Variants in THSD7B observed in about 807,000 individuals in gnomAD.
The protein encoded by THSD7B is thrombospondin type-1 domain-containing protein 7B.
In THSD7B, 138 loss-of-function variants were observed where a neutral mutation model predicts 213.6. The observed-to-expected ratio is 0.65, with a 90% CI of 0.56 to 0.74. THSD7B has a LOEUF of 0.74. Among genes scored for constraint, THSD7B ranks in the 30% least tolerant of loss-of-function variants. The probability of loss-of-function intolerance (pLI) is 0.00; values close to 1 mark genes in which losing one functional copy is unlikely to be tolerated. For synonymous variants in THSD7B, 742 were observed against 687.0 expected (o/e 1.08, Z -1.25); for missense variants, 1,931 against 1,991.5 (o/e 0.97, Z 0.58).
intron 5 of THSD7B, among the ~76,000 whole-genome samples, chr2:137,125,338 C>G (rs1688613630): frequency 6.6e-6 from 1 of 152,206 alleles, no homozygotes; most frequent in African/African-American, 2.4e-5. Context: ...ATGTGATATT[C>G]TAAATGCTTT....
chr2:137,008,412 A>G (rs143478741), intron 2 of THSD7B, among the ~76,000 whole-genome samples: 11 of 152,288 alleles, frequency 7.2e-5, no homozygotes, highest in African/African-American at 2.6e-4. Flanking sequence ...ATTCAACCCT[A>G]AGGGTGCATT....
chr2:136,966,504 G>A (rs545054632), intron 2 of THSD7B, among the ~76,000 whole-genome samples: 6 of 152,206 alleles, frequency 3.9e-5, no homozygotes, highest in South Asian at 2.1e-4. Context: ...GGCATGAGCC[G>A]CTGTGTCCAG....
chr2:137,101,248 G>T (rs1170938284), intron 4 of THSD7B, among the ~76,000 whole-genome samples: 1 of 151,968 alleles, frequency 6.6e-6, no homozygotes, highest in African/African-American at 2.4e-5. Flanking sequence ...ATGTTGTCCA[G>T]GCAGGCTAGT....
At chr2:136,940,686 C>G (rs112000092) in intron 2 of THSD7B, among the ~76,000 whole-genome samples, 12 of 143,200 alleles carry the variant, frequency 8.4e-5, no homozygotes, top group African/African-American at 1.8e-4. Context: ...GCCACCGTGT[C>G]TGGCTGAGAC....
chr2:137,033,957 A>G (rs1686724309), intron 2 of THSD7B, among the ~76,000 whole-genome samples: 1 of 149,864 alleles, frequency 6.7e-6, no homozygotes, highest in Admixed American at 6.7e-5. Context: ...CTACCCCACA[A>G]CAGGCCCCAG....
intron 10 of THSD7B, among the ~76,000 whole-genome samples, chr2:137,259,875 C>T (rs1682400522): frequency 6.6e-6 from 1 of 151,962 alleles, no homozygotes; most frequent in Non-Finnish European, 1.5e-5. Flanking sequence ...ACTCAGAGCA[C>T]CTATAAATAG....
intron 2 of THSD7B, among the ~76,000 whole-genome samples, chr2:136,989,606 C>T (rs143124304): frequency 5.5e-4 from 84 of 152,280 alleles, no homozygotes; most frequent in Middle Eastern, 3.4e-3. Flanking sequence ...TACCCAGCCT[C>T]AGGTATTCCT....
chr2:137,315,497 C>A (rs372079056), intron 12 of THSD7B, among the ~76,000 whole-genome samples: 2 of 152,066 alleles, frequency 1.3e-5, no homozygotes, highest in Admixed American at 6.6e-5. Context: ...AGCTGTAGAC[C>A]GGAGCTGTTC....
At chr2:137,373,354 C>T (rs961819685) in intron 12 of THSD7B, among the ~76,000 whole-genome samples, 1 of 152,184 alleles carries the variant, frequency 6.6e-6, no homozygotes. Context: ...TCCTCTCCAG[C>T]ACCTGTTGTT....
chr2:137,624,233 T>C (rs532730080), intron 20 of THSD7B, among the ~76,000 whole-genome samples: 1 of 152,308 alleles, frequency 6.6e-6, no homozygotes, highest in African/African-American at 2.4e-5. Flanking sequence ...GGGAAAAGGA[T>C]TCCCTATTTA....
chr2:137,587,547 T>G (rs1681763434), intron 17 of THSD7B, among the ~76,000 whole-genome samples: 1 of 152,244 alleles, frequency 6.6e-6, no homozygotes, highest in Admixed American at 6.5e-5. Context: ...TTAGTTTTCC[T>G]TCTAACATTC....
At chr2:137,107,572 C>G (rs572169096) in intron 4 of THSD7B, among the ~76,000 whole-genome samples, 1 of 152,122 alleles carries the variant, frequency 6.6e-6, no homozygotes, top group Non-Finnish European at 1.5e-5. Context: ...GACCTGGATT[C>G]TCCAGGTACT....
intron 3 of THSD7B, among the ~76,000 whole-genome samples, chr2:137,074,245 C>G (rs1475771647): frequency 2.6e-5 from 4 of 152,162 alleles, no homozygotes; most frequent in African/African-American, 9.6e-5. Flanking sequence ...TCACTAAGGA[C>G]TTGCTTTATG....
At chr2:137,437,042 C>T (rs538786074) in intron 14 of THSD7B, among the ~76,000 whole-genome samples, 10 of 152,202 alleles carry the variant, frequency 6.6e-5, no homozygotes, top group East Asian at 3.9e-4. Context: ...CCCTGAAATA[C>T]CATAGTTGTT....
At chr2:136,983,782 T>C (rs1330257999) in intron 2 of THSD7B, among the ~76,000 whole-genome samples, 1 of 152,196 alleles carries the variant, frequency 6.6e-6, no homozygotes, top group African/African-American at 2.4e-5. Context: ...GGTATATACA[T>C]GATGTGCAGG....
At chr2:137,043,845 T>C (rs1004697338) in intron 2 of THSD7B, among the ~76,000 whole-genome samples, 3 of 152,158 alleles carry the variant, frequency 2.0e-5, no homozygotes, top group Admixed American at 2.0e-4. Flanking sequence ...AAAAATGTCT[T>C]CCACCATCTT....
chr2:137,651,044 C>G (rs1359829695), intron 21 of THSD7B, among the ~76,000 whole-genome samples: 4 of 152,076 alleles, frequency 2.6e-5, no homozygotes, highest in Admixed American at 6.6e-5. Flanking sequence ...TCTACTTTTG[C>G]TATGCCCGTT....
intron 2 of THSD7B, 70 bp downstream of exon 2, chr2:136,882,387 C>A: frequency 7.5e-7 from 1 of 1,339,966 alleles, no homozygotes; most frequent in Non-Finnish European, 9.6e-7. Flanking sequence ...CATCCTTCTT[C>A]TTCTTCTTTC....
chr2:137,572,183 C>A (rs1439102788), intron 16 of THSD7B, among the ~76,000 whole-genome samples: 3 of 152,182 alleles, frequency 2.0e-5, no homozygotes, highest in Non-Finnish European at 4.4e-5. Flanking sequence ...TGCCTCTAGT[C>A]TTTCCATTGT....
Sources: gnomAD v4.1 joint callset for allele counts (sites outside exome capture counted in the v4.1 genomes callset) on GRCh38, gnomAD v4.1.1 for gene constraint, MANE v1.5 for transcripts, NCBI Gene and HGNC (gene_info 2026-07-23, HGNC 2026-07-21) for gene names.